SVOP: variants seen among roughly 807,000 people sequenced by gnomAD.
SVOP encodes synaptic vesicle 2-related protein.
In SVOP, 17 loss-of-function variants were observed where a neutral mutation model predicts 69.1. The observed-to-expected ratio is 0.25, with a 90% CI of 0.17 to 0.37. The LOEUF is 0.37. SVOP is among the 10% of genes least tolerant of loss of function. The probability of loss-of-function intolerance (pLI) is 1.00; values close to 1 mark genes in which losing one functional copy is unlikely to be tolerated. For missense variants in SVOP, 435 were observed against 597.5 expected (o/e 0.73, Z 2.84); for synonymous variants, 238 against 238.6 (o/e 1.00, Z 0.02).
chr12:108,972,467 C>A lies in SVOP; in HGVS notation c.391G>T (p.Val131Leu). The A allele has an allele frequency of 1.3e-6, 2 of 1,537,202 alleles. No individual in the cohort carries two copies. The highest frequency in any genetic ancestry group is 1.7e-6 in the Non-Finnish European group (2 of 1,146,888). Residue 131 changes from valine (V) to leucine (L), a missense_variant, in exon 5 of 16, where the codon GTA becomes TTA. Physicochemically the swap from Val to Leu is conservative, Grantham distance 32 (BLOSUM62 1). Transcript: ENST00000610966. ...AGCGTGGAGCTGGACATCATGCCTA[C>A]AAAGACCACCTGTGGGGGGAAAGAC... ...QVALLTSVVF[V>L]GMMSSSTLWG...
At chr12:108,975,866 A>ATGTGT (rs1313864202) in intron 4 of SVOP, among the ~76,000 whole-genome samples, 3 of 151,898 alleles carry the variant, frequency 2.0e-5, no homozygotes, top group African/African-American at 7.3e-5. Flanking sequence ...ATGCCCAGTC[A>ATGTGT]ATTTTTGTAT....
At chr12:108,983,203 C>G (rs1243142291) in intron 2 of SVOP, among the ~76,000 whole-genome samples, 1 of 151,804 alleles carries the variant, frequency 6.6e-6, no homozygotes, top group Non-Finnish European at 1.5e-5. Flanking sequence ...CAGTCTTCAT[C>G]ACTATGATCA....
At chr12:108,992,840 T>C (rs780098799) in intron 1 of SVOP, among the ~76,000 whole-genome samples, 33 of 151,972 alleles carry the variant, frequency 2.2e-4, no homozygotes, top group Middle Eastern at 3.4e-3. Context: ...TGCAACCTTG[T>C]AAAACTGCAC....
rs1007854710 is a variant in SVOP, at chr12:108,977,569, C to G, written c.283-73G>C. Reference sequence around the variant, plus strand: ...TGGGGAAGGCTGGCCAAGTCCATAACCCCAGAGACAGAGACTGTAGCACAC... The same window carrying G: ...TGGGGAAGGCTGGCCAAGTCCATAAGCCCAGAGACAGAGACTGTAGCACAC... On this transcript the variant is annotated intron_variant, in intron 3 of 15. Coordinates refer to ENST00000610966, the MANE Select transcript of SVOP (RefSeq NM_018711.5). 6 of 997,390 alleles carry G rather than the reference C, an allele frequency of 6.0e-6. No homozygotes were observed. In the Admixed American group the frequency reaches 8.0e-5, roughly 13 times the overall value. The allele number at this position is 997,390 out of a possible 1,614,324, so 61.8% of individuals were successfully genotyped here.
chr12:108,929,169 G>A (rs951564633), intron 11 of SVOP, among the ~76,000 whole-genome samples: 2 of 152,108 alleles, frequency 1.3e-5, no homozygotes, highest in Admixed American at 6.5e-5. Flanking sequence ...GATGAAATAC[G>A]TTCATATGCT....
rs974799558 is a variant in SVOP at position 108,910,503 on chromosome 12, A to G, written c.*2032T>C. On this transcript the variant is annotated 3_prime_UTR_variant, in exon 16 of 16. Transcript: ENST00000610966. ...AGGAGAGCTCAGCTGTCCAGAAATA[A>G]TTAGAGCTACAGCCACACGTGGTTC... The G allele has an allele frequency of 3.9e-5, 6 of 152,250 alleles. No individual in the cohort carries two copies. Among genetic ancestry groups the G allele is most frequent in the African/African-American group, 1.2e-4 (5 of 41,464 alleles). 9.4% of individuals were successfully genotyped at this position (152,250 alleles called of 1,614,324 possible). A position where few individuals can be genotyped will look rare whatever the true frequency, so the allele number is the denominator to read the frequency against.
intron 11 of SVOP, among the ~76,000 whole-genome samples, chr12:108,923,023 T>C (rs774496355): frequency 1.1e-4 from 16 of 152,146 alleles, no homozygotes; most frequent in Non-Finnish European, 2.1e-4. Flanking sequence ...AAAAGCACCA[T>C]GTAAAGGGAT....
intron 11 of SVOP, among the ~76,000 whole-genome samples, chr12:108,931,292 G>C (rs905205624): frequency 1.3e-5 from 2 of 152,306 alleles, no homozygotes; most frequent in Middle Eastern, 3.4e-3. Context: ...ACACAAGCAG[G>C]AACTTGATTC....
At position 108,908,125 on chromosome 12, in the gene SVOP, G is replaced by A. The variant is rs1200289250; in HGVS notation, c.*4410C>T. 4 of 152,228 alleles carry A rather than the reference G, an allele frequency of 2.6e-5. No individual in the cohort carries two copies. Among genetic ancestry groups the A allele is most frequent in the African/African-American group, 9.7e-5 (4 of 41,440 alleles). The allele number at this position is 152,228 out of a possible 1,614,324, so 9.4% of individuals were successfully genotyped here. On this transcript the variant is annotated 3_prime_UTR_variant, in exon 16 of 16. Coordinates refer to ENST00000610966, the MANE Select transcript of SVOP (RefSeq NM_018711.5). ...GTATGTTTGCAGAGCTGGGTTATGA[G>A]GCTATGGAAGCTCTGTGCATGATTA...
chr12:109,003,431 C>A (rs575625770), intron 1 of SVOP, among the ~76,000 whole-genome samples: 12 of 152,312 alleles, frequency 7.9e-5, no homozygotes, highest in South Asian at 6.2e-4. Flanking sequence ...GGAATGACAG[C>A]CAGCTTGCAG....
At chr12:108,961,406 C>T (rs1472553658) in intron 5 of SVOP, among the ~76,000 whole-genome samples, 3 of 147,004 alleles carry the variant, frequency 2.0e-5, no homozygotes, top group African/African-American at 7.5e-5. Flanking sequence ...AGACTTTTTG[C>T]TCTGTTTCAC....
chr12:109,005,819 A>G (rs2040304098), intron 1 of SVOP, among the ~76,000 whole-genome samples: 1 of 152,148 alleles, frequency 6.6e-6, no homozygotes, highest in Non-Finnish European at 1.5e-5. Context: ...AGCTAGTGCA[A>G]AGGCCTGGAG....
chr12:108,943,833 C>T (rs909852702), intron 7 of SVOP, among the ~76,000 whole-genome samples: 1 of 149,924 alleles, frequency 6.7e-6, no homozygotes, highest in Non-Finnish European at 1.5e-5. Flanking sequence ...TCCTCCTCCT[C>T]CTCCTCCTCC....
At position 108,945,085 on chromosome 12, in the gene SVOP, G is replaced by C. The variant is rs1458066237; in HGVS notation, c.642+18C>G. 1.3e-6 allele frequency: 2 copies of C among 1,536,550 alleles called. No individual in the cohort carries two copies. Among genetic ancestry groups the C allele is most frequent in the Admixed American group, 2.0e-5 (1 of 50,942 alleles). On this transcript the variant is annotated intron_variant, in intron 7 of 15. Transcript: ENST00000610966. ...GGAATCCACATGCTCTAGAGACCCA[G>C]GCCGCTCTCCTCCTTACCTCAATCA...
intron 1 of SVOP, among the ~76,000 whole-genome samples, chr12:109,018,840 C>T (rs1160765288): frequency 2.0e-5 from 3 of 152,136 alleles, no homozygotes; most frequent in East Asian, 3.8e-4. Flanking sequence ...GCATTGAGTG[C>T]TTTGTGTCTG....
At chr12:108,915,994 T>G in intron 14 of SVOP, 122 bp from the exon 15 acceptor site, 1 of 883,348 alleles carries the variant, frequency 1.1e-6, no homozygotes, top group Non-Finnish European at 1.7e-6. Context: ...CCTCCAGTGC[T>G]GGTGACGCCC....
chr12:108,985,409 C>T (rs1007241245), intron 1 of SVOP, among the ~76,000 whole-genome samples: 49,189 of 151,876 alleles, frequency 0.32, 8,419 homozygotes, highest in African/African-American at 0.42. Flanking sequence ...TGGTCACTCA[C>T]GCCTATAATC....
chr12:108,922,939 T>C (rs756248537), intron 11 of SVOP, 142 bp from the exon 12 acceptor site: 9 of 634,184 alleles, frequency 1.4e-5, no homozygotes, highest in Non-Finnish European at 2.0e-5. Flanking sequence ...GACAGATTCA[T>C]GTTTGAACAC....
intron 3 of SVOP, 70 bp from the exon 4 acceptor site, chr12:108,977,566 T>C (rs565207003): frequency 1.9e-6 from 2 of 1,045,028 alleles, no homozygotes; most frequent in African/African-American, 1.6e-5. Flanking sequence ...GCCAAGTCCA[T>C]AACCCCAGAG....
Sources: gnomAD v4.1 joint callset for allele counts (sites outside exome capture counted in the v4.1 genomes callset) on GRCh38, gnomAD v4.1.1 for gene constraint, MANE v1.5 for transcripts, NCBI Gene and HGNC (gene_info 2026-07-23, HGNC 2026-07-21) for gene names.